Variants in EPHA5 observed in about 807,000 individuals in gnomAD.
EPHA5 encodes the protein ephrin type-A receptor 5.
EPHA5 carries 60 observed loss-of-function variants against 105.0 expected under a neutral mutation model. The ratio of observed to expected loss-of-function variants is 0.57; its 90% CI spans 0.46 to 0.71. The LOEUF is 0.71. EPHA5 is among the 30% of genes least tolerant of loss of function. EPHA5 has a pLI of 0.00. For synonymous variants in EPHA5, 513 were observed against 449.1 expected (o/e 1.14, Z -1.80); for missense variants, 1,218 against 1,274.7 (o/e 0.96, Z 0.68).
chr4:65,632,722 C>T (rs1385766989), intron 2 of EPHA5, among the ~76,000 whole-genome samples: 1 of 151,820 alleles, frequency 6.6e-6, no homozygotes, highest in Non-Finnish European at 1.5e-5. Context: ...AGTATTCACA[C>T]AATCGATAAC....
chr4:65,376,571 A>G (rs1719028465), intron 8 of EPHA5, among the ~76,000 whole-genome samples: 1 of 152,050 alleles, frequency 6.6e-6, no homozygotes, highest in Non-Finnish European at 1.5e-5. Context: ...TCACAATGAT[A>G]TGACAATAGA....
intron 3 of EPHA5, among the ~76,000 whole-genome samples, chr4:65,511,423 G>T (rs1161747860): frequency 6.6e-6 from 1 of 152,076 alleles, no homozygotes; most frequent in Admixed American, 6.6e-5. Flanking sequence ...GTGATGATGA[G>T]TTTTTTTATC....
chr4:65,654,712 AATATATTTTT>A (rs1389438384), intron 1 of EPHA5, among the ~76,000 whole-genome samples: 5 of 147,242 alleles, frequency 3.4e-5, no homozygotes, highest in Admixed American at 2.0e-4. Context: ...TAAATGTATA[AATATATTTTT>A]ATATATAACT....
At chr4:65,376,950 C>CAT (rs1169526603) in intron 8 of EPHA5, 1 of 1,516,366 alleles carries the variant, frequency 6.6e-7, no homozygotes, top group Non-Finnish European at 8.9e-7. Context: ...GACGGTAATA[C>CAT]ATATAGGTGG....
At chr4:65,439,283 C>A (rs934387118) in intron 5 of EPHA5, among the ~76,000 whole-genome samples, 2 of 151,964 alleles carry the variant, frequency 1.3e-5, no homozygotes, top group African/African-American at 4.8e-5. Flanking sequence ...AAGGTAAATC[C>A]AGATATTTAA....
intron 8 of EPHA5, chr4:65,376,910 G>C (rs1719064344): frequency 2.5e-6 from 3 of 1,216,878 alleles, no homozygotes; most frequent in Admixed American, 2.7e-5. Context: ...CTACTCAAAT[G>C]TACACAAATG....
At chr4:65,418,880 T>C (rs1477859815) in intron 6 of EPHA5, among the ~76,000 whole-genome samples, 1 of 125,032 alleles carries the variant, frequency 8.0e-6, no homozygotes, top group Non-Finnish European at 1.7e-5. Context: ...TTTTTTTTTT[T>C]TTTTTTTTTT....
chr4:65,571,245 A>G (rs987784501), intron 3 of EPHA5, among the ~76,000 whole-genome samples: 1 of 151,996 alleles, frequency 6.6e-6, no homozygotes, highest in East Asian at 1.9e-4. Flanking sequence ...ATTTACTTTA[A>G]AAAGGAACGC....
At chr4:65,576,113 GAA>G (rs71205388) in intron 3 of EPHA5, among the ~76,000 whole-genome samples, 2,258 of 35,424 alleles carry the variant, frequency 0.064, 136 homozygotes, top group South Asian at 0.089. Context: ...GAAAAGAAAA[GAA>G]AAAAGAAAAG....
intron 5 of EPHA5, among the ~76,000 whole-genome samples, chr4:65,425,998 A>C (rs1370471053): frequency 1.3e-5 from 2 of 152,168 alleles, no homozygotes; most frequent in East Asian, 1.9e-4. Context: ...AACCGCGTCC[A>C]CCCTCGTTGA....
chr4:65,405,234 A>G (rs1722247898), intron 7 of EPHA5, among the ~76,000 whole-genome samples: 1 of 151,334 alleles, frequency 6.6e-6, no homozygotes, highest in Non-Finnish European at 1.5e-5. Context: ...TTAAATAAGC[A>G]AATAAATTTT....
Position 65,670,123 on chromosome 4 carries a change from T to C in EPHA5, c.-381A>G. 1 of 276,010 alleles carries C rather than the reference T, an allele frequency of 3.6e-6. No homozygotes were observed. Among genetic ancestry groups the C allele is most frequent in the Non-Finnish European group, 6.8e-6 (1 of 147,914 alleles). The allele number at this position is 276,010 out of a possible 1,614,324, so 17.1% of individuals were successfully genotyped here. On this transcript the variant is annotated 5_prime_UTR_variant, in exon 1 of 17. Coordinates refer to ENST00000613740, the MANE Select transcript of EPHA5 (RefSeq NM_001281766.3). ...TGAAGGTTCTTTGCAGCCTTCAGTG[T>C]TGAAATGGACGAAGGTAAGGAAGGC...
chr4:65,628,499 C>T (rs1746344045), intron 2 of EPHA5, among the ~76,000 whole-genome samples: 1 of 151,952 alleles, frequency 6.6e-6, no homozygotes, highest in South Asian at 2.1e-4. Context: ...TGATATTAGC[C>T]TTGAGATTAT....
At chr4:65,585,396 T>C (rs778125762) in intron 3 of EPHA5, among the ~76,000 whole-genome samples, 5 of 151,636 alleles carry the variant, frequency 3.3e-5, no homozygotes, top group Non-Finnish European at 7.4e-5. Flanking sequence ...TTTTAAATCT[T>C]ACCTAGGAGT....
intron 3 of EPHA5, among the ~76,000 whole-genome samples, chr4:65,548,512 T>G (rs959966208): frequency 6.6e-6 from 1 of 152,024 alleles, no homozygotes; most frequent in Non-Finnish European, 1.5e-5. Context: ...AATTAATGCT[T>G]AATAAAGTAA....
intron 3 of EPHA5, among the ~76,000 whole-genome samples, chr4:65,517,020 T>C (rs1179980765): frequency 2.0e-5 from 3 of 152,162 alleles, no homozygotes; most frequent in Admixed American, 6.6e-5. Context: ...ATATTTGTAC[T>C]GATTTCCTAT....
intron 3 of EPHA5, among the ~76,000 whole-genome samples, chr4:65,509,608 T>C (rs1302471298): frequency 6.6e-6 from 1 of 152,192 alleles, no homozygotes; most frequent in Non-Finnish European, 1.5e-5. Flanking sequence ...TTGTAAAGCA[T>C]ATTCCTTTTC....
chr4:65,454,247 T>C (rs1354084406), intron 5 of EPHA5, among the ~76,000 whole-genome samples: 1 of 152,060 alleles, frequency 6.6e-6, no homozygotes, highest in Admixed American at 6.6e-5. Context: ...GCCATTGCAC[T>C]CCAGCCTGGG....
chr4:65,524,011 G>A (rs757267320), intron 3 of EPHA5, among the ~76,000 whole-genome samples: 21 of 151,780 alleles, frequency 1.4e-4, no homozygotes, highest in Non-Finnish European at 1.0e-4. Flanking sequence ...CTAGAAGAAC[G>A]ACTTGGTCTC....
Sources: allele counts gnomAD v4.1 joint callset (sites outside exome capture counted in the v4.1 genomes callset), GRCh38; gene constraint gnomAD v4.1.1; transcripts MANE v1.5; gene names NCBI Gene and HGNC (gene_info 2026-07-23, HGNC 2026-07-21).